RFX3: variants seen among roughly 807,000 people sequenced by gnomAD.
The protein encoded by RFX3 is regulatory factor X3.
RFX3 carries 14 observed loss-of-function variants against 98.6 expected under a neutral mutation model. That is an observed-to-expected ratio of 0.14 (90% CI 0.09 to 0.22). RFX3 has a LOEUF of 0.22. Among genes scored for constraint, RFX3 ranks in the 10% least tolerant of loss-of-function variants. The pLI, the probability that RFX3 is intolerant of heterozygous loss-of-function variation, is 1.00. For missense variants in RFX3, 639 were observed against 926.9 expected (o/e 0.69, Z 4.03); for synonymous variants, 383 against 328.4 (o/e 1.17, Z -1.80).
At chr9:3,447,879 G>T (rs1846186674) in intron 1 of RFX3, among the ~76,000 whole-genome samples, 1 of 152,104 alleles carries the variant, frequency 6.6e-6, no homozygotes, top group Non-Finnish European at 1.5e-5. Context: ...TATGCTAAAA[G>T]TCCCTTGTCT....
intron 14 of RFX3, 54 bp downstream of exon 14, chr9:3,256,937 C>T (rs1489621325): frequency 2.7e-6 from 4 of 1,474,774 alleles, no homozygotes; most frequent in Non-Finnish European, 3.8e-6. Context: ...AACACATACA[C>T]ACACATATTT....
intron 1 of RFX3, among the ~76,000 whole-genome samples, chr9:3,507,195 T>G (rs534075333): frequency 6.6e-6 from 1 of 151,888 alleles, no homozygotes; most frequent in Non-Finnish European, 1.5e-5. Context: ...TTAGCAGAGA[T>G]AATAAGAAAT....
At chr9:3,525,550 G>T (rs1439562946) in intron 1 of RFX3, among the ~76,000 whole-genome samples, 197 bp downstream of exon 1, 2 of 151,874 alleles carry the variant, frequency 1.3e-5, no homozygotes, top group African/African-American at 4.8e-5. Flanking sequence ...CAGCCGCGGC[G>T]CGCAGGGTCC....
chr9:3,448,422 T>G (rs911319782), intron 1 of RFX3, among the ~76,000 whole-genome samples: 1 of 152,192 alleles, frequency 6.6e-6, no homozygotes, highest in African/African-American at 2.4e-5. Context: ...CCAAATCCAT[T>G]TGCTACATCA....
At chr9:3,413,349 T>C (rs1203041290) in intron 1 of RFX3, among the ~76,000 whole-genome samples, 1 of 152,138 alleles carries the variant, frequency 6.6e-6, no homozygotes, top group Non-Finnish European at 1.5e-5. Context: ...ATAATTTAGG[T>C]AATTTATGTT....
intron 1 of RFX3, among the ~76,000 whole-genome samples, chr9:3,490,980 A>G (rs1587847271): frequency 6.6e-6 from 1 of 152,250 alleles, no homozygotes; most frequent in East Asian, 1.9e-4. Context: ...GGCCCATGAT[A>G]TCAGAGATCA....
Position 3,489,394 on chromosome 9 carries a change from G to A in RFX3, c.-9+36353C>T, listed in dbSNP as rs570794693. On this transcript the variant is annotated intron_variant, in intron 1 of 16. Transcript: ENST00000617270. ...CTTTCTGAATGGCAGTGGAAGGCCT[G>A]TCTTTAAAGTACTGTTTGTAGTGGA... The A allele has an allele frequency of 1.8e-5, 18 of 983,758 alleles. No individual in the cohort carries two copies. In the South Asian group the frequency reaches 7.5e-4, roughly 41 times the overall value. The allele number at this position is 983,758 out of a possible 1,614,324, so 60.9% of individuals were successfully genotyped here. A position where few individuals can be genotyped will look rare whatever the true frequency, so the allele number is the denominator to read the frequency against.
chr9:3,441,059 C>T (rs971613070), intron 1 of RFX3, among the ~76,000 whole-genome samples: 1 of 152,112 alleles, frequency 6.6e-6, no homozygotes, highest in Non-Finnish European at 1.5e-5. Flanking sequence ...ACAGCTAACA[C>T]CATACACAAA....
intron 2 of RFX3, among the ~76,000 whole-genome samples, chr9:3,360,714 T>A (rs2120168): frequency 0.063 from 9,646 of 152,104 alleles, 906 homozygotes; most frequent in African/African-American, 0.2. Flanking sequence ...GTATTATTTT[T>A]TAAAAAAGTG....
At chr9:3,288,713 A>G (rs749638123) in intron 6 of RFX3, among the ~76,000 whole-genome samples, 1 of 152,104 alleles carries the variant, frequency 6.6e-6, no homozygotes, top group South Asian at 2.1e-4. Flanking sequence ...ACTTTCCTGG[A>G]TAAGTTTGAC....
intron 7 of RFX3, among the ~76,000 whole-genome samples, chr9:3,285,842 A>T (rs3012690): frequency 0.048 from 7,348 of 151,792 alleles, 509 homozygotes; most frequent in African/African-American, 0.15. Flanking sequence ...TCCAAACTCA[A>T]GTACCACTAT....
In RFX3 at chr9:3,225,241, A is replaced by C; in HGVS notation, c.2051T>G (p.Leu684Arg). The part of the protein sequence containing the change: ...SEVESEMDEE[L>R]DDSSEPQAKR... ...GGCTTGAGGCTCTGAAGAGTCATCC[A>C]GTTCTTCATCCATTTCACTTTCTAC... is the stretch of plus-strand genomic sequence containing the variant. The change falls in exon 17 of 17, where the codon CTG becomes CGG. Residue 684 changes from leucine to arginine, a missense_variant. This residue lies in a region of RFX3 where 129 missense variants were observed against 124.6 expected (regional missense o/e 1.04). Coordinates refer to ENST00000617270, the MANE Select transcript of RFX3 (RefSeq NM_001282116.2). 6.2e-7 allele frequency: 1 copy of C among 1,613,836 alleles called. No homozygotes were observed. Among genetic ancestry groups the C allele is most frequent in the Non-Finnish European group, 8.5e-7 (1 of 1,179,904 alleles).
intron 15 of RFX3, among the ~76,000 whole-genome samples, chr9:3,242,852 G>A (rs564795172): frequency 6.6e-6 from 1 of 152,000 alleles, no homozygotes; most frequent in South Asian, 2.1e-4. Context: ...AACACTTAAA[G>A]ACTCTACTGG....
At chr9:3,324,832 C>T (rs538206576) in intron 4 of RFX3, among the ~76,000 whole-genome samples, 1 of 151,990 alleles carries the variant, frequency 6.6e-6, no homozygotes, top group South Asian at 2.1e-4. Flanking sequence ...AGCATGGTGG[C>T]GGACACCTGT....
chr9:3,350,552 C>T (rs537837634), intron 2 of RFX3, among the ~76,000 whole-genome samples: 2 of 152,216 alleles, frequency 1.3e-5, no homozygotes, highest in East Asian at 1.9e-4. Flanking sequence ...ATCCAGTAAT[C>T]ATGTTCCCTG....
At chr9:3,365,667 A>C (rs769892085) in intron 2 of RFX3, among the ~76,000 whole-genome samples, 2 of 152,174 alleles carry the variant, frequency 1.3e-5, no homozygotes, top group African/African-American at 2.4e-5. Flanking sequence ...TCTGATAACA[A>C]AACTTATATA....
chr9:3,388,789 A>G (rs1395543370), intron 2 of RFX3, among the ~76,000 whole-genome samples: 4 of 152,140 alleles, frequency 2.6e-5, no homozygotes, highest in Admixed American at 6.6e-5. Flanking sequence ...TCTTTGAAAA[A>G]AAGAAAATCT....
At chr9:3,351,114 A>T (rs553487044) in intron 2 of RFX3, among the ~76,000 whole-genome samples, 1 of 152,022 alleles carries the variant, frequency 6.6e-6, no homozygotes, top group Non-Finnish European at 1.5e-5. Context: ...TGATGTGTCA[A>T]TGTAGGTTCA....
intron 4 of RFX3, among the ~76,000 whole-genome samples, chr9:3,306,736 A>C (rs1248369685): frequency 2.0e-5 from 3 of 151,952 alleles, no homozygotes; most frequent in African/African-American, 7.3e-5. Context: ...TGTACCCTAA[A>C]ACTTAAAGTA....
Sources: gnomAD v4.1 joint callset for allele counts (sites outside exome capture counted in the v4.1 genomes callset) on GRCh38, gnomAD v4.1.1 for gene constraint, gnomAD v4.1.1 regional missense constraint, MANE v1.5 for transcripts, NCBI Gene and HGNC (gene_info 2026-07-23, HGNC 2026-07-21) for gene names.